Variants in SLC4A7 observed in about 807,000 individuals in gnomAD.
SLC4A7 encodes solute carrier family 4 member 7.
Under a neutral mutation model 137.6 loss-of-function variants are expected in SLC4A7, and 51 were observed. The observed-to-expected ratio is 0.37, with a 90% CI of 0.30 to 0.47. The LOEUF (loss-of-function observed/expected upper bound fraction) is 0.47. Among genes scored for constraint, SLC4A7 ranks in the 20% least tolerant of loss-of-function variants. The pLI, the probability that SLC4A7 is intolerant of heterozygous loss-of-function variation, is 1.00. For synonymous variants in SLC4A7, 542 were observed against 518.6 expected, an observed-to-expected ratio of 1.05 and a Z score of -0.61; for missense variants, 1,247 against 1,525.4, an observed-to-expected ratio of 0.82 and a Z score of 3.04.
In SLC4A7 at chr3:27,381,280, C is replaced by G. The variant is rs557958323; in HGVS notation, c.3590+1873G>C. 1.8e-3 allele frequency among the ~76,000 whole-genome samples: 268 copies of G among 152,176 alleles called. 1 individual carries two copies. Among genetic ancestry groups the G allele is most frequent in the Non-Finnish European group, 2.8e-3 (189 of 68,002 alleles). ...TTGTCAAGGTCCATATATAATTACACTGAAAAAGTGATAAAGCAGGATATA... is the reference window on the plus strand; with the variant it reads ...TTGTCAAGGTCCATATATAATTACAGTGAAAAAGTGATAAAGCAGGATATA... On this transcript the variant is annotated intron_variant, in intron 24 of 25. Coordinates refer to ENST00000454389, the MANE Select transcript of SLC4A7 (RefSeq NM_001321103.2).
chr3:27,384,393 C>T (rs1048408753), intron 23 of SLC4A7, among the ~76,000 whole-genome samples: 1 of 152,090 alleles, frequency 6.6e-6, no homozygotes, highest in Non-Finnish European at 1.5e-5. Flanking sequence ...CATTTTGATT[C>T]ATGAAGTGAA....
intron 3 of SLC4A7, 105 bp from the exon 4 acceptor site, chr3:27,437,631 AT>A: frequency 1.9e-6 from 1 of 538,248 alleles, no homozygotes; most frequent in Non-Finnish European, 2.9e-6. Context: ...GTATAAACAA[AT>A]ATATTTCATC....
chr3:27,473,770 T>C (rs62257198), intron 1 of SLC4A7, among the ~76,000 whole-genome samples: 19,051 of 146,808 alleles, frequency 0.13, 1,213 homozygotes, highest in Middle Eastern at 0.19. Context: ...CAATGCTACA[T>C]AGTTATTCTC....
At chr3:27,399,032 A>C (rs542487573) in intron 16 of SLC4A7, among the ~76,000 whole-genome samples, 1 of 151,890 alleles carries the variant, frequency 6.6e-6, no homozygotes, top group African/African-American at 2.4e-5. Context: ...ACTGAAAGGC[A>C]ATCAGAGATT....
intron 1 of SLC4A7, chr3:27,456,681 C>G (rs1239608788): frequency 6.2e-7 from 1 of 1,610,312 alleles, no homozygotes; most frequent in Admixed American, 1.7e-5. Context: ...GAAATCTTTC[C>G]ATAGTAATAT....
At position 27,376,780 on chromosome 3, in the gene SLC4A7, G is replaced by C. The variant is rs1234136051; in HGVS notation, c.3764C>G (p.Ala1255Gly). 2 of 1,594,576 alleles carry C rather than the reference G, an allele frequency of 1.3e-6. No homozygotes were observed. Among genetic ancestry groups the C allele is most frequent in the Non-Finnish European group, 8.6e-7 (1 of 1,167,086 alleles). Reference sequence around the variant, plus strand: ...GGTTCAATTCTATAATGAAGTTTCAGCATCCACGTATTTCTTTCTTGGTTC... The same window carrying C: ...GGTTCAATTCTATAATGAAGTTTCACCATCCACGTATTTCTTTCTTGGTTC... ...EDEPRKKYVD[A>G]ETSL Residue 1255 changes from alanine to glycine, a missense_variant, in exon 26 of 26, where the codon GCT (alanine) becomes GGT (glycine). Ala to Gly is a moderately conservative substitution (Grantham distance 60). Around this residue, in one of 6 missense-constraint regions of SLC4A7, gnomAD observed 290 missense variants for 323.8 expected, o/e 0.90. Transcript: ENST00000454389.
chr3:27,448,694 A>T lies in SLC4A7; in HGVS notation c.246T>A (p.Asp82Glu), dbSNP rs1576536562. The change falls in exon 3 of 26, where the codon GAT becomes GAA. Residue 82 changes from aspartate to glutamate, a missense_variant. Physicochemically the swap from Asp to Glu is conservative, Grantham distance 45. Coordinates refer to ENST00000454389, the MANE Select transcript of SLC4A7 (RefSeq NM_001321103.2). The part of the protein sequence containing the change: ...GHKHHHRRRK[D>E]KESDKEDGRE... Reference sequence around the variant, plus strand: ...GTCCATCTTCTTTATCTGATTCTTTATCTTTTCTTCTCCGGTGGTGATGTT... The same window carrying T: ...GTCCATCTTCTTTATCTGATTCTTTTTCTTTTCTTCTCCGGTGGTGATGTT... 2.5e-6 allele frequency: 4 copies of T among 1,613,174 alleles called. No individual in the cohort carries two copies. The highest frequency in any genetic ancestry group is 1.7e-6 in the Non-Finnish European group (2 of 1,179,372).
intron 1 of SLC4A7, among the ~76,000 whole-genome samples, chr3:27,482,677 C>T (rs1006913675): frequency 1.3e-5 from 2 of 152,030 alleles, no homozygotes; most frequent in Non-Finnish European, 2.9e-5. Flanking sequence ...GAGGCTGAGG[C>T]GGGAGAATCG....
chr3:27,447,640 C>CTTTTTTTT (rs71087609), intron 3 of SLC4A7, among the ~76,000 whole-genome samples: 1 of 99,698 alleles, frequency 1.0e-5, no homozygotes, highest in African/African-American at 4.2e-5. Context: ...TTTTACAGCC[C>CTTTTTTTT]TTTTTTTTTT....
intron 12 of SLC4A7, among the ~76,000 whole-genome samples, 189 bp downstream of exon 12, chr3:27,411,453 A>G (rs11718991): frequency 0.18 from 27,509 of 151,442 alleles, 2,904 homozygotes; most frequent in Non-Finnish European, 0.25. Context: ...GATACATACT[A>G]TTAAAATTAT....
chr3:27,457,685 T>A (rs2058483235), intron 1 of SLC4A7, among the ~76,000 whole-genome samples: 1 of 152,208 alleles, frequency 6.6e-6, no homozygotes, highest in Admixed American at 6.5e-5. Flanking sequence ...ATTTTTGGAA[T>A]GTATGTGTTC....
chr3:27,420,863 C>T, intron 9 of SLC4A7, 76 bp from the exon 10 acceptor site: 1 of 965,068 alleles, frequency 1.0e-6, no homozygotes, highest in South Asian at 1.5e-5. Flanking sequence ...AAAAAAGAAA[C>T]CATTCAAATA....
At chr3:27,399,557 C>T (rs1407042709) in intron 16 of SLC4A7, among the ~76,000 whole-genome samples, 1 of 152,122 alleles carries the variant, frequency 6.6e-6, no homozygotes, top group Non-Finnish European at 1.5e-5. Flanking sequence ...TCCTTAGCCT[C>T]CCAGTAAGTT....
At chr3:27,417,493 C>T (rs1183275346) in intron 11 of SLC4A7, among the ~76,000 whole-genome samples, 2 of 152,186 alleles carry the variant, frequency 1.3e-5, no homozygotes, top group East Asian at 1.9e-4. Flanking sequence ...GTGGCTCACA[C>T]CTGTAATCCT....
At chr3:27,483,313 C>T (rs1045369150) in intron 1 of SLC4A7, among the ~76,000 whole-genome samples, 2 of 152,230 alleles carry the variant, frequency 1.3e-5, no homozygotes, top group African/African-American at 4.8e-5. Context: ...GAAATCAAAG[C>T]CAGTCTCAGT....
At chr3:27,448,527 C>G (rs1227916401) in intron 3 of SLC4A7, 124 bp downstream of exon 3, 1 of 687,470 alleles carries the variant, frequency 1.5e-6, no homozygotes, top group Non-Finnish European at 2.4e-6. Context: ...ACAATACATT[C>G]CCCATACAAT....
chr3:27,436,118 C>G (rs2056720627), intron 5 of SLC4A7, among the ~76,000 whole-genome samples: 1 of 152,136 alleles, frequency 6.6e-6, no homozygotes, highest in South Asian at 2.1e-4. Flanking sequence ...CCCCACATCC[C>G]CATTCCAAAA....
intron 1 of SLC4A7, among the ~76,000 whole-genome samples, chr3:27,473,079 CAA>C (rs35807931): frequency 4.2e-4 from 55 of 131,486 alleles, no homozygotes; most frequent in Admixed American, 4.5e-4. Flanking sequence ...GACTCTGTCT[CAA>C]AAAAAAAAAA....
chr3:27,455,010 TA>T (rs202045007), intron 1 of SLC4A7, among the ~76,000 whole-genome samples: 149 of 144,766 alleles, frequency 1.0e-3, no homozygotes, highest in Admixed American at 9.7e-4. Flanking sequence ...CATGACATGT[TA>T]AAAAAAAAAA....
Sources: gnomAD v4.1 joint callset for allele counts (sites outside exome capture counted in the v4.1 genomes callset) on GRCh38, gnomAD v4.1.1 for gene constraint, gnomAD v4.1.1 regional missense constraint, MANE v1.5 for transcripts, NCBI Gene and HGNC (gene_info 2026-07-23, HGNC 2026-07-21) for gene names.